CAPZB: variants seen among roughly 807,000 people sequenced by gnomAD.
CAPZB encodes the protein capping actin protein of muscle Z-line subunit beta.
A neutral mutation model predicts 38.1 loss-of-function variants in CAPZB; 2 were observed. The observed-to-expected ratio is 0.05, with a 90% CI of 0.02 to 0.17. The LOEUF is 0.17. Among genes scored for constraint, CAPZB ranks in the 10% least tolerant of loss-of-function variants. The pLI is 1.00. For missense variants in CAPZB, 161 were observed against 334.2 expected, an observed-to-expected ratio of 0.48 and a Z score of 4.04; for synonymous variants, 107 against 127.4, an observed-to-expected ratio of 0.84 and a Z score of 1.08.
chr1:19,438,054 C>T (rs544655642), intron 1 of CAPZB, among the ~76,000 whole-genome samples: 9 of 152,260 alleles, frequency 5.9e-5, no homozygotes, highest in East Asian at 1.9e-4. Flanking sequence ...ATCCATCCAT[C>T]CAAGTATTGT....
intron 1 of CAPZB, among the ~76,000 whole-genome samples, chr1:19,443,738 G>A (rs1194061771): frequency 6.6e-6 from 1 of 152,244 alleles, no homozygotes; most frequent in Non-Finnish European, 1.5e-5. Context: ...AGAGAGGCCA[G>A]GTCACCTGGG....
intron 6 of CAPZB, among the ~76,000 whole-genome samples, chr1:19,349,004 G>A (rs1487948511): frequency 1.3e-5 from 2 of 152,124 alleles, no homozygotes; most frequent in African/African-American, 4.8e-5. Context: ...CATAAAACAG[G>A]AGTAGTGAGA....
At chr1:19,456,809 A>T (rs1339857505) in intron 1 of CAPZB, among the ~76,000 whole-genome samples, 4 of 152,362 alleles carry the variant, frequency 2.6e-5, no homozygotes, top group Admixed American at 2.0e-4. Flanking sequence ...TTATAAAGGG[A>T]GAAGGGAAGA....
intron 1 of CAPZB, among the ~76,000 whole-genome samples, chr1:19,436,159 T>C (rs2094457561): frequency 6.6e-6 from 1 of 152,216 alleles, no homozygotes; most frequent in Non-Finnish European, 1.5e-5. Context: ...AAATACTAAG[T>C]GGAAAATTCC....
chr1:19,478,122 A>G (rs1446829672), intron 1 of CAPZB, among the ~76,000 whole-genome samples: 1 of 152,170 alleles, frequency 6.6e-6, no homozygotes, highest in Non-Finnish European at 1.5e-5. Context: ...GCAATGTGGT[A>G]AGAGCTCTTG....
At chr1:19,395,588 C>T (rs115859193) in intron 2 of CAPZB, among the ~76,000 whole-genome samples, 3,157 of 152,304 alleles carry the variant, frequency 0.021, 56 homozygotes, top group South Asian at 0.058. Flanking sequence ...AAAATCACTA[C>T]ATTTGGGTCA....
intron 3 of CAPZB, among the ~76,000 whole-genome samples, chr1:19,380,940 C>T (rs1273180225): frequency 6.6e-6 from 1 of 152,046 alleles, no homozygotes; most frequent in Non-Finnish European, 1.5e-5. Flanking sequence ...GAGGCCGAGG[C>T]GGGAGGATCA....
At chr1:19,451,934 A>C (rs953196960) in intron 1 of CAPZB, among the ~76,000 whole-genome samples, 1 of 151,976 alleles carries the variant, frequency 6.6e-6, no homozygotes, top group African/African-American at 2.4e-5. Flanking sequence ...TTATTATTGT[A>C]ATTTACTGTT....
At chr1:19,435,991 C>T (rs771671946) in intron 1 of CAPZB, among the ~76,000 whole-genome samples, 2 of 152,204 alleles carry the variant, frequency 1.3e-5, no homozygotes, top group African/African-American at 2.4e-5. Flanking sequence ...AATCCTGACT[C>T]CACCGGGTCC....
rs545345274 is a variant in CAPZB, at chr1:19,349,543, A to G, written c.589-4291T>C. 5.9e-5 allele frequency among the ~76,000 whole-genome samples: 9 copies of G among 152,314 alleles called. No individual in the cohort carries two copies. The East Asian group carries it at 1.7e-3, about 29-fold the overall frequency. On this transcript the variant is annotated intron_variant, in intron 6 of 8. Coordinates refer to ENST00000264202, the MANE Select transcript of CAPZB (RefSeq NM_004930.5). ...GGGTCACCTGGGCAAGTCCAGTCACATCAGCAATTTGGCCTCTTGGTTACC... is the reference window on the plus strand; with the variant it reads ...GGGTCACCTGGGCAAGTCCAGTCACGTCAGCAATTTGGCCTCTTGGTTACC...
rs571036456 is a variant in CAPZB, at chr1:19,448,997, T to A, written c.4-29247A>T. 38 of 1,581,890 alleles carry A rather than the reference T, an allele frequency of 2.4e-5. No individual in the cohort carries two copies. In the African/African-American group the frequency reaches 4.7e-4, roughly 20 times the overall value. ...AGAGGAAGTGGAAACATGACGTGAC[T>A]AGGGACGCTGCCCCAGGCTGCTCGC... is the stretch of plus-strand genomic sequence containing the variant. On this transcript the variant is annotated intron_variant, in intron 1 of 8. Transcript: ENST00000264202.
chr1:19,361,886 G>A (rs1004096555), intron 4 of CAPZB, among the ~76,000 whole-genome samples: 3 of 152,182 alleles, frequency 2.0e-5, no homozygotes, highest in Non-Finnish European at 4.4e-5. Flanking sequence ...TTGTTTAAAT[G>A]CTAACATGCT....
intron 6 of CAPZB, among the ~76,000 whole-genome samples, chr1:19,353,902 G>A (rs2094005784): frequency 6.6e-6 from 1 of 152,232 alleles, no homozygotes; most frequent in Non-Finnish European, 1.5e-5. Flanking sequence ...TGCGGGGCCT[G>A]CTTGCTCCTG....
At chr1:19,376,092 C>T (rs2094143014) in intron 4 of CAPZB, among the ~76,000 whole-genome samples, 1 of 152,222 alleles carries the variant, frequency 6.6e-6, no homozygotes, top group African/African-American at 2.4e-5. Context: ...ATCTGATTCA[C>T]TTTATTAAGG....
rs1223483453 is a variant in CAPZB, at chr1:19,357,961, CA to C, written c.330-399del. ...TATTTCTGTCTTTTGGGATATTTTA[CA>C]GGGCAGATGAGAAAATACAGCAACA... On this transcript the variant is annotated intron_variant, in intron 4 of 8. Transcript: ENST00000264202. The surrounding 1 kb of genome is among the most constrained non-coding windows in gnomAD (Gnocchi z 4.3). Among the ~76,000 whole-genome samples the C allele has an allele frequency of 4.6e-5, 7 of 152,112 alleles. No individual in the cohort carries two copies. Among genetic ancestry groups the C allele is most frequent in the Admixed American group, 4.6e-4 (7 of 15,270 alleles).
chr1:19,362,419 TAG>T (rs1268956021), intron 4 of CAPZB, among the ~76,000 whole-genome samples: 1 of 152,142 alleles, frequency 6.6e-6, no homozygotes, highest in Admixed American at 6.5e-5. Context: ...GTATTTTTAG[TAG>T]AGACTGGGTC....
At chr1:19,419,253 G>A (rs1463365591) in intron 2 of CAPZB, among the ~76,000 whole-genome samples, 1 of 152,194 alleles carries the variant, frequency 6.6e-6, no homozygotes, top group Admixed American at 6.5e-5. Flanking sequence ...CATCTTACAG[G>A]TAGACGCTTG....
intron 1 of CAPZB, among the ~76,000 whole-genome samples, chr1:19,443,818 A>G (rs138837898): frequency 1.3e-5 from 2 of 152,300 alleles, no homozygotes; most frequent in East Asian, 3.9e-4. Context: ...CTTCCTCACC[A>G]AGAGGGACTC....
intron 1 of CAPZB, among the ~76,000 whole-genome samples, chr1:19,429,964 C>T (rs900818601): frequency 6.6e-6 from 1 of 152,164 alleles, no homozygotes; most frequent in Non-Finnish European, 1.5e-5. Context: ...CATGGAAGAT[C>T]ACCTTCCCTT....
Sources: allele counts gnomAD v4.1 joint callset (sites outside exome capture counted in the v4.1 genomes callset), GRCh38; gene constraint gnomAD v4.1.1; non-coding constraint Gnocchi (gnomAD v3.1); transcripts MANE v1.5; gene names NCBI Gene and HGNC (gene_info 2026-07-23, HGNC 2026-07-21).